PIK3R1: variants seen among roughly 807,000 people sequenced by gnomAD.
The protein encoded by PIK3R1 is phosphoinositide-3-kinase regulatory subunit 1, also known as phosphatidylinositol 3-kinase regulatory subunit alpha.
In PIK3R1, 29 loss-of-function variants were observed where a neutral mutation model predicts 98.0. The observed-to-expected ratio is 0.30, with a 90% CI of 0.22 to 0.40. The LOEUF (loss-of-function observed/expected upper bound fraction) is 0.40, where lower values mean the gene tolerates loss of function less well. Ranked by LOEUF, PIK3R1 falls within the 10% of genes least tolerant of loss-of-function variation. The pLI, the probability that PIK3R1 is intolerant of heterozygous loss-of-function variation, is 1.00. For synonymous variants in PIK3R1, 282 were observed against 311.8 expected, an observed-to-expected ratio of 0.90 and a Z score of 1.01; for missense variants, 596 against 872.7, an observed-to-expected ratio of 0.68 and a Z score of 3.99.
At chr5:68,288,523 C>G in intron 7 of PIK3R1, 3 of 1,362,898 alleles carry the variant, frequency 2.2e-6, no homozygotes, top group Non-Finnish European at 2.8e-6. Context: ...CGAGCCGAGC[C>G]GAGCCAAGCG....
intron 7 of PIK3R1, chr5:68,288,588 C>A (rs1372679358): frequency 6.5e-7 from 1 of 1,535,640 alleles, no homozygotes; most frequent in African/African-American, 1.4e-5. Flanking sequence ...CGCTCCTGCG[C>A]GCACTCTCGG....
At chr5:68,238,806 C>T (rs188728471) in intron 2 of PIK3R1, among the ~76,000 whole-genome samples, 72 of 152,140 alleles carry the variant, frequency 4.7e-4, no homozygotes, top group African/African-American at 1.6e-3. Flanking sequence ...TTTTCATGCA[C>T]GTGTGCAGAT....
intron 2 of PIK3R1, among the ~76,000 whole-genome samples, chr5:68,251,846 G>C (rs1745321220): frequency 6.6e-6 from 1 of 152,150 alleles, no homozygotes; most frequent in Non-Finnish European, 1.5e-5. Context: ...CTGAGGAGGG[G>C]CTCAGATCAG....
chr5:68,295,531 A>T, intron 14 of PIK3R1, 43 bp downstream of exon 14: 3 of 1,537,512 alleles, frequency 2.0e-6, no homozygotes, highest in Non-Finnish European at 2.7e-6. Context: ...GATTTTTCTC[A>T]TTTTAGGAAA....
intron 2 of PIK3R1, among the ~76,000 whole-genome samples, chr5:68,262,789 A>G (rs796720434): frequency 0.081 from 2,128 of 26,152 alleles, 368 homozygotes; most frequent in African/African-American, 0.19. Flanking sequence ...ATGTAGATAC[A>G]TGTATACGTA....
At chr5:68,274,972 T>C (rs1343784082) in intron 4 of PIK3R1, among the ~76,000 whole-genome samples, 1 of 152,220 alleles carries the variant, frequency 6.6e-6, no homozygotes, top group African/African-American at 2.4e-5. Context: ...GTACAAAGAA[T>C]GCCCACATGA....
At chr5:68,288,900 T>A (rs1252832768) in intron 7 of PIK3R1, 7 of 795,236 alleles carry the variant, frequency 8.8e-6, no homozygotes, top group Non-Finnish European at 1.5e-5. Flanking sequence ...ACTCCCCCTG[T>A]CCTCGAGGGG....
chr5:68,223,801 G>C (rs1324043596), intron 1 of PIK3R1, among the ~76,000 whole-genome samples: 1 of 152,198 alleles, frequency 6.6e-6, no homozygotes, highest in African/African-American at 2.4e-5. Flanking sequence ...TTTTAGGTTT[G>C]TAAAACCTTG....
At position 68,218,787 on chromosome 5, in the gene PIK3R1, AT is replaced by A. The variant is rs1185835799; in HGVS notation, c.-387+2842del. Among the ~76,000 whole-genome samples the A allele has an allele frequency of 5.9e-5, 9 of 152,354 alleles. No homozygotes were observed. The East Asian group carries it at 1.7e-3, about 29-fold the overall frequency. ...GCAAGTGAAGGCAAGAGAATGAAGC[AT>A]TTTAATGAAGCCCTGGAAGACTAGA... On this transcript the variant is annotated intron_variant, in intron 1 of 15. Transcript: ENST00000521381.
chr5:68,260,601 T>C (rs1745700671), intron 2 of PIK3R1, among the ~76,000 whole-genome samples: 1 of 152,198 alleles, frequency 6.6e-6, no homozygotes, highest in Non-Finnish European at 1.5e-5. Context: ...AGTTAAGTGA[T>C]CTTGGTGTAG....
chr5:68,285,446 G>C (rs980228622), intron 7 of PIK3R1, among the ~76,000 whole-genome samples: 1 of 152,140 alleles, frequency 6.6e-6, no homozygotes, highest in Non-Finnish European at 1.5e-5. Flanking sequence ...TTTAAAATGT[G>C]GTCTGACATT....
In PIK3R1 at chr5:68,234,993, A is replaced by G. The variant is rs190049512; in HGVS notation, c.334+7984A>G. Among the ~76,000 whole-genome samples, 3 of 152,348 alleles carry G rather than the reference A, an allele frequency of 2.0e-5. No homozygotes were observed. In the East Asian group the frequency reaches 5.8e-4, roughly 29 times the overall value. On this transcript the variant is annotated intron_variant, in intron 2 of 15. Coordinates refer to ENST00000521381, the MANE Select transcript of PIK3R1 (RefSeq NM_181523.3). ...TGGTTTTTGGTAAAATGCAGTTTTC[A>G]GAACTACTCAAGGGTGTAATAAGAT...
rs906052199 is a variant in PIK3R1 at position 68,293,389 on chromosome 5, T to C, written c.1205T>C (p.Val402Ala). 5.0e-6 allele frequency: 8 copies of C among 1,613,398 alleles called. No individual in the cohort carries two copies. The African/African-American group carries it at 6.7e-5, about 13-fold the overall frequency. The change falls in exon 10 of 16, where the codon GTT becomes GCT. Residue 402 changes from valine (V) to alanine (A), a missense_variant. Coordinates refer to ENST00000521381, the MANE Select transcript of PIK3R1 (RefSeq NM_181523.3). ...GACCCATTAACCTTCAGTTCTGTGG[T>C]TGAATTAATAAACCACTACCGGAAT... ...FSDPLTFSSV[V>A]ELINHYRNES...
intron 4 of PIK3R1, among the ~76,000 whole-genome samples, chr5:68,279,265 GATGCAGCCCA>G (rs1321410432): frequency 1.3e-5 from 2 of 152,248 alleles, no homozygotes; most frequent in African/African-American, 4.8e-5. Context: ...AACCACTGAA[GATGCAGCCCA>G]ATTCAGCCCA....
intron 6 of PIK3R1, 31 bp downstream of exon 6, chr5:68,280,760 G>T: frequency 6.4e-7 from 1 of 1,574,284 alleles, no homozygotes; most frequent in Non-Finnish European, 8.7e-7. Flanking sequence ...ATGTATTTTG[G>T]GGTGATGAGG....
chr5:68,240,315 A>C (rs956306583), intron 2 of PIK3R1, among the ~76,000 whole-genome samples: 1 of 152,190 alleles, frequency 6.6e-6, no homozygotes, highest in African/African-American at 2.4e-5. Context: ...ACTAGCCTTC[A>C]TTGTTTGGAT....
At position 68,301,026 on chromosome 5, in the gene PIK3R1, T is replaced by G; in HGVS notation, c.*3425T>G. ...TAGTAACATGTTTGGGAAGTCCTAC[T>G]GATGTTCCTTTGGAAGAAAAAATCT... On this transcript the variant is annotated 3_prime_UTR_variant, in exon 16 of 16. Coordinates refer to ENST00000521381, the MANE Select transcript of PIK3R1 (RefSeq NM_181523.3). 1 of 232,516 alleles carries G rather than the reference T, an allele frequency of 4.3e-6. No individual in the cohort carries two copies. The allele number at this position is 232,516 out of a possible 1,614,324, so 14.4% of individuals were successfully genotyped here.
At chr5:68,289,346 G>A (rs1023761641) in intron 7 of PIK3R1, among the ~76,000 whole-genome samples, 3 of 152,114 alleles carry the variant, frequency 2.0e-5, no homozygotes, top group Non-Finnish European at 4.4e-5. Context: ...TCCCAATACT[G>A]GGAAAATGAA....
rs1747198666 is a variant in PIK3R1, at chr5:68,288,589, G to T, written c.917-3670G>T. On this transcript the variant is annotated intron_variant, in intron 7 of 15. Transcript: ENST00000521381. ...CCTGGCGGCGCCCCCGCTCCTGCGCGCACTCTCGGCGCCGGACACGAGCAC... is the reference window on the plus strand; with the variant it reads ...CCTGGCGGCGCCCCCGCTCCTGCGCTCACTCTCGGCGCCGGACACGAGCAC... 5 of 1,535,514 alleles carry T rather than the reference G, an allele frequency of 3.3e-6. No individual in the cohort carries two copies. The Admixed American group carries it at 5.9e-5, about 18-fold the overall frequency.
Sources: allele counts gnomAD v4.1 joint callset (sites outside exome capture counted in the v4.1 genomes callset), GRCh38; gene constraint gnomAD v4.1.1; transcripts MANE v1.5; gene names NCBI Gene and HGNC (gene_info 2026-07-23, HGNC 2026-07-21).